Variants in KIF17 observed in about 807,000 individuals in gnomAD.
KIF17 encodes the protein kinesin-like protein KIF17.
Under a neutral mutation model 96.8 loss-of-function variants are expected in KIF17, and 80 were observed. The ratio of observed to expected loss-of-function variants is 0.83; its 90% CI spans 0.69 to 1.00. The LOEUF is 1.00. Among genes scored for constraint, KIF17 ranks in the 50% least tolerant of loss-of-function variants. KIF17 has a pLI of 0.00. For synonymous variants in KIF17, 567 were observed against 587.5 expected, an observed-to-expected ratio of 0.97 and a Z score of 0.51; for missense variants, 1,280 against 1,372.9, an observed-to-expected ratio of 0.93 and a Z score of 1.07.
At chr1:20,703,180 T>TGGATGGACGGATGGAC (rs371412246) in intron 5 of KIF17, among the ~76,000 whole-genome samples, 28 of 149,988 alleles carry the variant, frequency 1.9e-4, no homozygotes, top group African/African-American at 5.1e-4. Context: ...GATGGATGAA[T>TGGATGGACGGATGGAC]GGATGGACGG....
At chr1:20,668,166 C>T (rs932434535) in intron 13 of KIF17, among the ~76,000 whole-genome samples, 6 of 151,774 alleles carry the variant, frequency 4.0e-5, no homozygotes, top group Admixed American at 1.3e-4. Context: ...AAAAATTAGC[C>T]GGGCATGGTG....
At position 20,690,352 on chromosome 1, in the gene KIF17, G is replaced by GGGGGCCCCC; in HGVS notation, c.1234-18_1234-17insGGGGGCCCC. On this transcript the variant is annotated splice_polypyrimidine_tract_variant and intron_variant, in intron 6 of 14. Coordinates refer to ENST00000400463, the MANE Select transcript of KIF17 (RefSeq NM_001122819.3). The stretch of plus-strand genomic sequence containing the variant: ...TTCATACTCCTGGGGGGGTGGGAGG[G>GGGGGCCCCC]ACCAGAGGGCAGGCAGCATTTTATC... 3.8e-5 allele frequency: 17 copies of GGGGGCCCCC among 451,024 alleles called. No individual in the cohort carries two copies. Among genetic ancestry groups the GGGGGCCCCC allele is most frequent in the Non-Finnish European group, 6.4e-5 (15 of 235,040 alleles). The allele number at this position is 451,024 out of a possible 1,614,324, so 27.9% of individuals were successfully genotyped here. A position where few individuals can be genotyped will look rare whatever the true frequency, so the allele number is the denominator to read the frequency against.
chr1:20,709,341 T>G lies in KIF17; in HGVS notation c.670+298A>C, dbSNP rs981293256. 1.6e-4 allele frequency among the ~76,000 whole-genome samples: 24 copies of G among 152,196 alleles called. No individual in the cohort carries two copies. Among genetic ancestry groups the G allele is most frequent in the African/African-American group, 5.8e-4 (24 of 41,444 alleles). ...GGTTGCAGTGAGCCGAGATCACCAC[T>G]GCACTCCAGCCTGGGTGACAGGGTG... is the stretch of plus-strand genomic sequence containing the variant. On this transcript the variant is annotated intron_variant, in intron 4 of 14. Transcript: ENST00000400463. This position sits in a 1 kb window ranked among gnomAD's most constrained non-coding sequence, Gnocchi z 4.7.
chr1:20,703,477 TA>T (rs2054280129), intron 5 of KIF17, among the ~76,000 whole-genome samples: 1 of 91,416 alleles, frequency 1.1e-5, no homozygotes, highest in Non-Finnish European at 2.1e-5. Context: ...GGAGGATGGA[TA>T]GATGGATAGA....
intron 3 of KIF17, among the ~76,000 whole-genome samples, chr1:20,711,180 C>A (rs1200072828): frequency 6.6e-6 from 1 of 152,152 alleles, no homozygotes; most frequent in Non-Finnish European, 1.5e-5. Flanking sequence ...GAGAACAGAT[C>A]TAAAAAACGG....
Position 20,713,532 on chromosome 1 carries a change from C to T in KIF17, c.402G>A (p.Leu134=), listed in dbSNP as rs1389674089. 3 of 1,612,368 alleles carry T rather than the reference C, an allele frequency of 1.9e-6. No individual in the cohort carries two copies. Among genetic ancestry groups the T allele is most frequent in the Non-Finnish European group, 2.5e-6 (3 of 1,179,616 alleles). The change falls in exon 3 of 15, where the codon CTG becomes CTA. Residue 134 remains leucine, a synonymous_variant. Transcript: ENST00000400463. ...SVQCAENTKF[L]VRASYLEIYN... ...AGATCTCCAGGTAGGAGGCCCGGACCAGGAACTTAGTGTTCTCTGCACACT... is the reference window on the plus strand; with the variant it reads ...AGATCTCCAGGTAGGAGGCCCGGACTAGGAACTTAGTGTTCTCTGCACACT...
intron 1 of KIF17, among the ~76,000 whole-genome samples, chr1:20,716,769 C>A (rs1439510179): frequency 1.3e-5 from 2 of 152,228 alleles, no homozygotes; most frequent in African/African-American, 4.8e-5. Flanking sequence ...CTTCATTCAT[C>A]GCTGTTTCTA....
chr1:20,713,622 C>G, intron 2 of KIF17, 67 bp from the exon 3 acceptor site: 3 of 1,176,798 alleles, frequency 2.5e-6, no homozygotes, highest in Non-Finnish European at 3.7e-6. Context: ...CAGGTCTGAC[C>G]CTGGGGCCTG....
Position 20,717,609 on chromosome 1 carries a change from G to C in KIF17, c.98C>G (p.Ala33Gly). Residue 33 changes from alanine to glycine, a missense_variant, in exon 1 of 15, where the codon GCG becomes GGG. Ala to Gly is a moderately conservative substitution (Grantham distance 60). Transcript: ENST00000400463. ...RCQPVVTVDC[A>G]RAQCCIQNPG... ...GTTCTGGATGCAGCACTGGGCGCGC[G>C]CGCAGTCCACAGTCACCACGGGCTG... 1 of 1,610,396 alleles carries C rather than the reference G, an allele frequency of 6.2e-7. No homozygotes were observed. The highest frequency in any genetic ancestry group is 8.5e-7 in the Non-Finnish European group (1 of 1,179,434).
At chr1:20,712,912 A>AT (rs2054500859) in intron 3 of KIF17, among the ~76,000 whole-genome samples, 6 of 122,342 alleles carry the variant, frequency 4.9e-5, no homozygotes, top group African/African-American at 2.2e-4. Context: ...TATATTATAT[A>AT]TATAATATAT....
At chr1:20,684,442 G>A (rs528670194) in intron 10 of KIF17, among the ~76,000 whole-genome samples, 15 of 152,354 alleles carry the variant, frequency 9.8e-5, no homozygotes, top group Middle Eastern at 3.4e-3. Context: ...CAGCTCCCCC[G>A]GCGGTCCCAG....
chr1:20,693,238 GTCC>G (rs2054073974), intron 6 of KIF17: 1 of 148,154 alleles, frequency 6.7e-6, no homozygotes. Context: ...GGATGATTAC[GTCC>G]TCATCTTTTT....
At chr1:20,684,287 G>A (rs1197796296) in intron 10 of KIF17, among the ~76,000 whole-genome samples, 1 of 152,228 alleles carries the variant, frequency 6.6e-6, no homozygotes, top group Non-Finnish European at 1.5e-5. Flanking sequence ...TTGAACTGTG[G>A]CCTCTGGGAC....
chr1:20,711,975 C>T (rs775727518), intron 3 of KIF17, among the ~76,000 whole-genome samples: 1 of 152,118 alleles, frequency 6.6e-6, no homozygotes, highest in Non-Finnish European at 1.5e-5. Context: ...ACATCCTCCA[C>T]GAGGGAGCGT....
intron 6 of KIF17, among the ~76,000 whole-genome samples, chr1:20,693,425 C>T (rs1032255698): frequency 6.6e-6 from 1 of 151,548 alleles, no homozygotes; most frequent in East Asian, 2.0e-4. Flanking sequence ...CCACCACACT[C>T]GGCTAATTTT....
intron 7 of KIF17, among the ~76,000 whole-genome samples, chr1:20,688,396 G>C (rs2053979083): frequency 2.0e-5 from 3 of 152,136 alleles, no homozygotes; most frequent in South Asian, 4.1e-4. Flanking sequence ...GAGCCTCCCA[G>C]ACCCTCCAGA....
In KIF17 at chr1:20,666,194, G is replaced by A. The variant is rs777823734; in HGVS notation, c.2908+20C>T. The A allele has an allele frequency of 3.2e-6, 5 of 1,557,752 alleles. No homozygotes were observed. Among genetic ancestry groups the A allele is most frequent in the Non-Finnish European group, 4.4e-6 (5 of 1,128,486 alleles). ...CTCCCAGTTGTGTGGAGAGGGTGGG[G>A]ACAGGGGAGGGACACTCACTGAGGC... On this transcript the variant is annotated intron_variant, in intron 14 of 14. Transcript: ENST00000400463.
In KIF17 at chr1:20,690,172, G is replaced by A. The variant is rs2054012169; in HGVS notation, c.1381+16C>T. On this transcript the variant is annotated intron_variant, in intron 7 of 14. Transcript: ENST00000400463. ...ACCTTCCCTGGAGACAGCCTCGGGG[G>A]GCAAGGGGTGCCCACCTGTCTCCTT... 1.9e-6 allele frequency: 3 copies of A among 1,614,002 alleles called. No individual in the cohort carries two copies. Among genetic ancestry groups the A allele is most frequent in the Non-Finnish European group, 2.5e-6 (3 of 1,180,014 alleles).
chr1:20,715,550 C>A lies in KIF17; in HGVS notation c.321G>T (p.Pro107=). Residue 107 remains proline, a synonymous_variant, in exon 2 of 15, where the codon CCG becomes CCT. Coordinates refer to ENST00000400463, the MANE Select transcript of KIF17 (RefSeq NM_001122819.3). ...TGGGGATGATGCCTCTCTGGGAGGG[C>A]GGATCCGGCAGGCCCTGCATGGTGA... ...KSFTMQGLPD[P]PSQRGIIPRA... 1 of 1,613,688 alleles carries A rather than the reference C, an allele frequency of 6.2e-7. No individual in the cohort carries two copies. The highest frequency in any genetic ancestry group is 8.5e-7 in the Non-Finnish European group (1 of 1,180,034).
Sources: allele counts gnomAD v4.1 joint callset (sites outside exome capture counted in the v4.1 genomes callset), GRCh38; gene constraint gnomAD v4.1.1; non-coding constraint Gnocchi (gnomAD v3.1); transcripts MANE v1.5; gene names NCBI Gene and HGNC (gene_info 2026-07-23, HGNC 2026-07-21).